The following FAT1 variants were observed in gnomAD, a reference collection of about 807,000 sequenced individuals.
FAT1 encodes the protein FAT atypical cadherin 1.
A neutral mutation model predicts 329.8 loss-of-function variants in FAT1; 171 were observed. The ratio of observed to expected loss-of-function variants is 0.52; its 90% CI spans 0.46 to 0.59. The LOEUF is 0.59. Among genes scored for constraint, FAT1 ranks in the 20% least tolerant of loss-of-function variants. The pLI is 0.00. For missense variants in FAT1, 5,672 were observed against 5,774.4 expected (o/e 0.98, Z 0.57); for synonymous variants, 2,233 against 2,228.6 (o/e 1.00, Z -0.06).
intron 26 of FAT1, among the ~76,000 whole-genome samples, chr4:186,589,946 C>G (rs1268034620): frequency 6.6e-6 from 1 of 151,800 alleles, no homozygotes; most frequent in African/African-American, 2.4e-5. Context: ...TTTCATTAAC[C>G]CTCAGACAAC....
chr4:186,642,013 A>AC (rs1741120917), intron 3 of FAT1, among the ~76,000 whole-genome samples: 2 of 151,982 alleles, frequency 1.3e-5, no homozygotes, highest in African/African-American at 4.8e-5. Flanking sequence ...TCAAAAAAAA[A>AC]AAAACAAAAT....
chr4:186,693,992 ACCTG>A (rs967316992), intron 2 of FAT1, among the ~76,000 whole-genome samples: 1 of 151,478 alleles, frequency 6.6e-6, no homozygotes, highest in Non-Finnish European at 1.5e-5. Flanking sequence ...CCCAAACTCA[ACCTG>A]CCTCTCATCT....
intron 26 of FAT1, among the ~76,000 whole-genome samples, chr4:186,591,060 G>A (rs1352441389): frequency 6.6e-6 from 1 of 152,242 alleles, no homozygotes; most frequent in Non-Finnish European, 1.5e-5. Context: ...AGCAGGAAGT[G>A]TAACCAAACG....
chr4:186,719,917 A>C (rs1292782035), intron 1 of FAT1, among the ~76,000 whole-genome samples: 1 of 152,088 alleles, frequency 6.6e-6, no homozygotes, highest in African/African-American at 2.4e-5. Context: ...ACCTATTCAA[A>C]CTTCTTTGTG....
chr4:186,657,723 C>T (rs975627089), intron 3 of FAT1, among the ~76,000 whole-genome samples: 5 of 152,082 alleles, frequency 3.3e-5, no homozygotes, highest in African/African-American at 1.2e-4. Flanking sequence ...ATCAAACATA[C>T]AGATAAGAGA....
chr4:186,593,397 C>A (rs890438612), intron 26 of FAT1, among the ~76,000 whole-genome samples: 1 of 152,126 alleles, frequency 6.6e-6, no homozygotes, highest in African/African-American at 2.4e-5. Context: ...TAAATATGTA[C>A]GCATGTGGTA....
chr4:186,589,262 A>C (rs2126358680), intron 26 of FAT1, 42 bp from the exon 27 acceptor site: 3 of 1,552,178 alleles, frequency 1.9e-6, no homozygotes, highest in Non-Finnish European at 2.6e-6. Flanking sequence ...TTTTCTCCTA[A>C]GCTTTTGTGC....
chr4:186,679,971 C>T (rs1743136967), intron 2 of FAT1, among the ~76,000 whole-genome samples: 1 of 152,210 alleles, frequency 6.6e-6, no homozygotes, highest in Non-Finnish European at 1.5e-5. Context: ...CCATAATTCA[C>T]AGGCCCAGTA....
At chr4:186,725,633 C>T (rs1347904738), upstream of FAT1, among the ~76,000 whole-genome samples, 1 of 151,952 alleles carries the variant, frequency 6.6e-6, no homozygotes, top group Non-Finnish European at 1.5e-5. This position sits in a 1 kb window ranked among gnomAD's most constrained non-coding sequence, Gnocchi z 5.4. Flanking sequence ...TTCTACTGAT[C>T]CTTAAGCGCC....
chr4:186,600,183 T>C lies in FAT1; in HGVS notation c.11818A>G (p.Thr3940Ala), dbSNP rs781009436. The change falls in exon 22 of 27, where the codon ACT becomes GCT. Residue 3940 changes from threonine to alanine, a missense_variant. Thr to Ala is a moderately conservative substitution (Grantham distance 58). This residue lies in a region of FAT1 where 1,706 missense variants were observed against 1,859.1 expected (regional missense o/e 0.92). Transcript: ENST00000441802. ...VHTASGTAPG[T>A]LKTLNLDNYV... ...TTATCCAGGTTCAGGGTTTTCAGAG[T>C]CCCTGGGGCTGTGCCCGATGCAGTA... 9.6e-5 allele frequency: 155 copies of C among 1,614,030 alleles called. 1 individual carries two copies. The East Asian group carries it at 3.1e-3, about 32-fold the overall frequency.
chr4:186,590,307 G>A, intron 26 of FAT1: 1 of 1,128,870 alleles, frequency 8.9e-7, no homozygotes, highest in Non-Finnish European at 1.2e-6. Context: ...TCAGCACTGG[G>A]GCAAGGCTTG....
upstream of FAT1, chr4:186,726,429 G>A (rs1011666509): frequency 6.6e-6 from 1 of 152,234 alleles, no homozygotes; most frequent in African/African-American, 2.4e-5. Flanking sequence ...GTAGATATGT[G>A]TTAAGAGCCG....
chr4:186,602,506 T>A (rs1408080056), intron 20 of FAT1, among the ~76,000 whole-genome samples: 1 of 152,132 alleles, frequency 6.6e-6, no homozygotes, highest in Admixed American at 6.5e-5. Context: ...TCAAAAAGAA[T>A]CAGGTTTAAA....
intron 26 of FAT1, among the ~76,000 whole-genome samples, chr4:186,595,314 TGTGA>T (rs1200724274): frequency 2.6e-5 from 4 of 151,616 alleles, no homozygotes; most frequent in Non-Finnish European, 4.4e-5. Flanking sequence ...TGTGTGTGTG[TGTGA>T]GAGAGAGTGT....
rs200717236 is a variant in FAT1, at chr4:186,604,501, G to T, written c.10424C>A (p.Pro3475His). Residue 3475 changes from proline to histidine, a missense_variant, in exon 18 of 27, where the codon CCC becomes CAC. Coordinates refer to ENST00000441802, the MANE Select transcript of FAT1 (RefSeq NM_005245.4). ...TDEDSSHNGP[P>H]FFFTIVTGND... ...TCCAGTTACAATAGTAAAGAAGAAG[G>T]GTGGACCGTTATGGGAAGAATCCTC... 4 of 1,613,778 alleles carry T rather than the reference G, an allele frequency of 2.5e-6. No individual in the cohort carries two copies. The highest frequency in any genetic ancestry group is 1.3e-5 in the African/African-American group (1 of 75,038).
intron 9 of FAT1, among the ~76,000 whole-genome samples, chr4:186,623,134 C>A (rs1740128949): frequency 6.6e-6 from 1 of 152,234 alleles, no homozygotes; most frequent in Non-Finnish European, 1.5e-5. Flanking sequence ...GGCTCTGCAT[C>A]CGAGCCCCAA....
chr4:186,648,602 A>G (rs1741487258), intron 3 of FAT1, among the ~76,000 whole-genome samples: 1 of 152,160 alleles, frequency 6.6e-6, no homozygotes, highest in Non-Finnish European at 1.5e-5. Context: ...CCTGTACCTT[A>G]AAACATGAGG....
intron 2 of FAT1, among the ~76,000 whole-genome samples, chr4:186,686,818 G>A (rs1333910472): frequency 6.6e-6 from 1 of 152,088 alleles, no homozygotes; most frequent in African/African-American, 2.4e-5. Flanking sequence ...TATACACTAT[G>A]GACACAGGTG....
intron 2 of FAT1, among the ~76,000 whole-genome samples, chr4:186,685,706 G>C (rs1297100396): frequency 6.6e-6 from 1 of 152,128 alleles, no homozygotes; most frequent in East Asian, 1.9e-4. Flanking sequence ...CATACATTTG[G>C]TTACTGTAAA....
Sources: allele counts gnomAD v4.1 joint callset (sites outside exome capture counted in the v4.1 genomes callset), GRCh38; gene constraint gnomAD v4.1.1; regional missense constraint gnomAD v4.1.1; non-coding constraint Gnocchi (gnomAD v3.1); transcripts MANE v1.5; gene names NCBI Gene and HGNC (gene_info 2026-07-23, HGNC 2026-07-21).